The following STAT3 variants were observed in gnomAD, a reference collection of about 807,000 sequenced individuals.
STAT3 encodes the protein signal transducer and activator of transcription 3, also known as DNA-binding protein APRF.
STAT3 carries 7 observed loss-of-function variants against 114.3 expected under a neutral mutation model. The observed-to-expected ratio is 0.06, with a 90% CI of 0.03 to 0.11. STAT3 has a LOEUF of 0.11. Ranked by LOEUF, STAT3 falls within the 10% of genes least tolerant of loss-of-function variation. The pLI is 1.00. For missense variants in STAT3, 364 were observed against 960.9 expected, an observed-to-expected ratio of 0.38 and a Z score of 8.21; for synonymous variants, 331 against 354.5, an observed-to-expected ratio of 0.93 and a Z score of 0.74.
At chr17:42,366,647 G>A (rs1201221519) in intron 1 of STAT3, among the ~76,000 whole-genome samples, 1 of 145,316 alleles carries the variant, frequency 6.9e-6, no homozygotes, top group South Asian at 2.2e-4. Flanking sequence ...CTCCAGCCTG[G>A]GAGACAGAGT....
chr17:42,328,232 T>G (rs2071193029), intron 14 of STAT3, among the ~76,000 whole-genome samples: 1 of 152,058 alleles, frequency 6.6e-6, no homozygotes, highest in African/African-American at 2.4e-5. Flanking sequence ...TACATATGAA[T>G]ACACATAAGA....
chr17:42,381,387 G>A (rs1199068713), intron 1 of STAT3, among the ~76,000 whole-genome samples: 1 of 152,120 alleles, frequency 6.6e-6, no homozygotes, highest in Non-Finnish European at 1.5e-5. Context: ...TTTTCTTGTA[G>A]GGGCAGATTT....
chr17:42,379,894 GT>G (rs1048210035), intron 1 of STAT3, among the ~76,000 whole-genome samples: 12 of 152,024 alleles, frequency 7.9e-5, no homozygotes, highest in African/African-American at 2.9e-4. Flanking sequence ...TATTCATTTA[GT>G]TTTTTTCCCA....
chr17:42,388,075 C>G, intron 1 of STAT3: 1 of 591,964 alleles, frequency 1.7e-6, no homozygotes, highest in Non-Finnish European at 2.5e-6. Context: ...CGAAACTTCC[C>G]TCCAGCGCCC....
At chr17:42,374,185 G>A (rs1447572093) in intron 1 of STAT3, 1 of 152,206 alleles carries the variant, frequency 6.6e-6, no homozygotes, top group African/African-American at 2.4e-5. Context: ...ATCCCACAAT[G>A]TAAGTGAAGT....
intron 5 of STAT3, 41 bp downstream of exon 5, chr17:42,339,273 T>C (rs1027253684): frequency 6.8e-7 from 1 of 1,469,940 alleles, no homozygotes; most frequent in Non-Finnish European, 9.3e-7. Context: ...AAAAAAAAAA[T>C]TAATGAAAGC....
intron 4 of STAT3, among the ~76,000 whole-genome samples, chr17:42,340,521 A>T (rs907148838): frequency 7.7e-5 from 11 of 143,340 alleles, no homozygotes; most frequent in Non-Finnish European, 1.6e-4. Context: ...AAAAAAAAAA[A>T]TTTTTTTTTA....
At chr17:42,347,183 TCAA>T (rs2082737100) in intron 2 of STAT3, among the ~76,000 whole-genome samples, 1 of 47,386 alleles carries the variant, frequency 2.1e-5, no homozygotes. Context: ...AGACTCCATC[TCAA>T]AAAAAAAAAA....
chr17:42,350,884 G>A (rs1378139392), intron 1 of STAT3, among the ~76,000 whole-genome samples: 1 of 152,066 alleles, frequency 6.6e-6, no homozygotes, highest in Non-Finnish European at 1.5e-5. Flanking sequence ...TGTAATCCCA[G>A]AACTTTGGGA....
At position 42,313,877 on chromosome 17, in the gene STAT3, C is replaced by T. The variant is rs548033008; in HGVS notation, c.*1868G>A. 1.1e-4 allele frequency: 25 copies of T among 232,398 alleles called. No homozygotes were observed. Among genetic ancestry groups the T allele is most frequent in the African/African-American group, 5.3e-4 (24 of 45,362 alleles). 14.4% of individuals were successfully genotyped at this position (232,398 alleles called of 1,614,324 possible). A position where few individuals can be genotyped will look rare whatever the true frequency, so the allele number is the denominator to read the frequency against. On this transcript the variant is annotated 3_prime_UTR_variant, in exon 24 of 24. Transcript: ENST00000264657. ...CTGTCTCCAGGCAGGAGGACTGGGG[C>T]GAACCCTGTTCATCTTAGAGAAGGT...
At chr17:42,327,933 C>A (rs17879201) in intron 14 of STAT3, among the ~76,000 whole-genome samples, 2 of 151,816 alleles carry the variant, frequency 1.3e-5, no homozygotes, top group Non-Finnish European at 2.9e-5. Context: ...ATCGTCCCAG[C>A]TACTTGGGAG....
At chr17:42,364,397 T>G (rs2083671063) in intron 1 of STAT3, among the ~76,000 whole-genome samples, 1 of 152,156 alleles carries the variant, frequency 6.6e-6, no homozygotes, top group African/African-American at 2.4e-5. Flanking sequence ...CATGTCAGAT[T>G]TTCCAGGCTC....
At chr17:42,316,753 C>T (rs1329785042) in intron 23 of STAT3, 36 bp downstream of exon 23, 1 of 1,613,394 alleles carries the variant, frequency 6.2e-7, no homozygotes, top group Non-Finnish European at 8.5e-7. Context: ...GACCAACTTC[C>T]CTTATAGGGA....
intron 14 of STAT3, among the ~76,000 whole-genome samples, chr17:42,328,663 A>C (rs370805692): frequency 3.9e-5 from 6 of 152,180 alleles, no homozygotes; most frequent in African/African-American, 1.4e-4. Flanking sequence ...CTGCCTTGGC[A>C]TCCCAAAGTA....
At chr17:42,318,607 T>A in intron 21 of STAT3, among the ~76,000 whole-genome samples, 1 of 152,248 alleles carries the variant, frequency 6.6e-6, no homozygotes, top group South Asian at 2.1e-4. Context: ...TCAAGGAACC[T>A]TGGGGATACT....
intron 4 of STAT3, among the ~76,000 whole-genome samples, chr17:42,340,978 G>A (rs1224378605): frequency 6.6e-6 from 1 of 152,050 alleles, no homozygotes; most frequent in Non-Finnish European, 1.5e-5. Flanking sequence ...GTGGGGTGGG[G>A]GTGCTGCTCT....
At chr17:42,379,429 C>T (rs906958867) in intron 1 of STAT3, among the ~76,000 whole-genome samples, 2 of 152,114 alleles carry the variant, frequency 1.3e-5, no homozygotes, top group Non-Finnish European at 2.9e-5. Flanking sequence ...AAGGTCTACC[C>T]CTCCAACTAA....
chr17:42,355,581 A>C (rs928015492), intron 1 of STAT3, among the ~76,000 whole-genome samples: 7 of 152,202 alleles, frequency 4.6e-5, no homozygotes, highest in African/African-American at 1.7e-4. Context: ...ATGAAACAGC[A>C]AGTCATCAAA....
chr17:42,337,352 TA>T lies in STAT3; in HGVS notation c.797+82del. 6.4e-7 allele frequency: 1 copy of T among 1,574,458 alleles called. No homozygotes were observed. The highest frequency in any genetic ancestry group is 1.4e-5 in the African/African-American group (1 of 73,802). On this transcript the variant is annotated intron_variant, in intron 8 of 23. Coordinates refer to ENST00000264657, the MANE Select transcript of STAT3 (RefSeq NM_139276.3). The surrounding 1 kb of genome is among the most constrained non-coding windows in gnomAD (Gnocchi z 4.0). ...AAAAGTCCCCACGTTGGAGATATAG[TA>T]CCAATTCTGTGGGCCTGCAGTTAAG...
Sources: allele counts gnomAD v4.1 joint callset (sites outside exome capture counted in the v4.1 genomes callset), GRCh38; gene constraint gnomAD v4.1.1; non-coding constraint Gnocchi (gnomAD v3.1); transcripts MANE v1.5; gene names NCBI Gene and HGNC (gene_info 2026-07-23, HGNC 2026-07-21).